Variants in MAP2K5 observed in about 807,000 individuals in gnomAD.
The protein encoded by MAP2K5 is dual specificity mitogen-activated protein kinase kinase 5.
A neutral mutation model predicts 83.1 loss-of-function variants in MAP2K5; 49 were observed. The ratio of observed to expected loss-of-function variants is 0.59; its 90% confidence interval spans 0.47 to 0.75. The LOEUF (loss-of-function observed/expected upper bound fraction) is 0.75. Among genes scored for constraint, MAP2K5 ranks in the 30% least tolerant of loss-of-function variants. The probability of loss-of-function intolerance (pLI) is 0.00; values close to 1 mark genes in which losing one functional copy is unlikely to be tolerated. For missense variants in MAP2K5, 457 were observed against 557.5 expected, an observed-to-expected ratio of 0.82 and a Z score of 1.82; for synonymous variants, 202 against 191.8, an observed-to-expected ratio of 1.05 and a Z score of -0.44.
chr15:67,751,564 C>T (rs1045156957), intron 19 of MAP2K5, among the ~76,000 whole-genome samples: 2 of 152,084 alleles, frequency 1.3e-5, no homozygotes, highest in East Asian at 3.8e-4. Flanking sequence ...TAAGTCGGCC[C>T]CTATTGTCTA....
intron 8 of MAP2K5, among the ~76,000 whole-genome samples, chr15:67,612,201 C>T (rs1034013306): frequency 6.6e-6 from 1 of 151,750 alleles, no homozygotes; most frequent in Non-Finnish European, 1.5e-5. Context: ...CCTCCTCTCA[C>T]ATAGACCTCT....
chr15:67,803,515 G>C (rs903854868), intron 21 of MAP2K5, among the ~76,000 whole-genome samples: 4 of 152,212 alleles, frequency 2.6e-5, no homozygotes, highest in Non-Finnish European at 5.9e-5. Flanking sequence ...GGTCCCAGGG[G>C]AGCCAGGCCA....
In MAP2K5 at chr15:67,549,339, T is replaced by C. The variant is rs1371555202; in HGVS notation, c.136-695T>C. The C allele has an allele frequency of 6.6e-6, 5 of 755,820 alleles. No homozygotes were observed. In the East Asian group the frequency reaches 1.4e-4, roughly 20 times the overall value. The allele number at this position is 755,820 out of a possible 1,614,324, so 46.8% of individuals were successfully genotyped here. ...TTTAGATTTTTGTTGTAGGCTAGAT[T>C]AACTTTATTTCGGTGTCATTAAGTA... On this transcript the variant is annotated intron_variant, in intron 1 of 21. Transcript: ENST00000178640.
chr15:67,606,807 T>A (rs1203153727), intron 8 of MAP2K5, among the ~76,000 whole-genome samples: 1 of 152,226 alleles, frequency 6.6e-6, no homozygotes, highest in Non-Finnish European at 1.5e-5. Context: ...ACATAAATTG[T>A]CTAGTTAAAT....
intron 13 of MAP2K5, among the ~76,000 whole-genome samples, chr15:67,672,305 T>C (rs1379409283): frequency 1.3e-5 from 2 of 151,820 alleles, no homozygotes; most frequent in South Asian, 2.1e-4. Flanking sequence ...CCTATTTCTC[T>C]ACATCCTCTC....
chr15:67,705,835 A>T lies in MAP2K5; in HGVS notation c.1044+2427A>T, dbSNP rs553669816. 7.2e-5 allele frequency among the ~76,000 whole-genome samples: 11 copies of T among 152,324 alleles called. No homozygotes were observed. In the South Asian group the frequency reaches 2.3e-3, roughly 32 times the overall value. On this transcript the variant is annotated intron_variant, in intron 16 of 21. Coordinates refer to ENST00000178640, the MANE Select transcript of MAP2K5 (RefSeq NM_145160.3). ...CTGTGAGAGAAGGAAGCCACCTGAT[A>T]ACAAGCTCAAAGGCACCAAGATAGA...
intron 6 of MAP2K5, 79 bp downstream of exon 6, chr15:67,586,992 G>T: frequency 7.0e-7 from 1 of 1,426,674 alleles, no homozygotes. Flanking sequence ...AAGCTAGAAA[G>T]AAATTTGACC....
At chr15:67,697,212 T>C (rs1377140740) in intron 15 of MAP2K5, among the ~76,000 whole-genome samples, 1 of 152,174 alleles carries the variant, frequency 6.6e-6, no homozygotes, top group Non-Finnish European at 1.5e-5. Flanking sequence ...TTCCCTCACT[T>C]TATATTCATG....
At chr15:67,618,950 T>C (rs2086116237) in intron 8 of MAP2K5, among the ~76,000 whole-genome samples, 1 of 152,192 alleles carries the variant, frequency 6.6e-6, no homozygotes, top group African/African-American at 2.4e-5. Flanking sequence ...CCCCCTCTGC[T>C]CATGACCTCT....
At chr15:67,621,935 G>A (rs1487036432) in intron 8 of MAP2K5, among the ~76,000 whole-genome samples, 10 of 152,166 alleles carry the variant, frequency 6.6e-5, no homozygotes, top group Non-Finnish European at 1.2e-4. Context: ...TGTAATCCCA[G>A]CATTTTGGGA....
chr15:67,555,059 G>T lies in MAP2K5; in HGVS notation c.184+4977G>T, dbSNP rs529536790. Among the ~76,000 whole-genome samples the T allele has an allele frequency of 1.3e-5, 2 of 152,152 alleles. No homozygotes were observed. The highest frequency in any genetic ancestry group is 4.8e-5 in the African/African-American group (2 of 41,440). ...CCAAGGGGAGTTAGGGCTGGATGAG[G>T]AGAGGGACATCTGTCTGCAGAACTC... On this transcript the variant is annotated intron_variant, in intron 2 of 21. Coordinates refer to ENST00000178640, the MANE Select transcript of MAP2K5 (RefSeq NM_145160.3). The surrounding 1 kb of genome is among the most constrained non-coding windows in gnomAD (Gnocchi z 5.2).
chr15:67,592,869 C>T, intron 6 of MAP2K5, 57 bp from the exon 7 acceptor site: 1 of 1,158,270 alleles, frequency 8.6e-7, no homozygotes, highest in Non-Finnish European at 1.3e-6. Context: ...CTGGAATTTT[C>T]AGTGGTGTTC....
chr15:67,772,639 G>A (rs2090164215), intron 20 of MAP2K5, 68 bp from the exon 21 acceptor site: 1 of 1,037,554 alleles, frequency 9.6e-7, no homozygotes, highest in Non-Finnish European at 1.4e-6. Flanking sequence ...ATAGCCATTG[G>A]TAGAAATTAT....
chr15:67,697,061 AAGAG>A (rs1456162557), intron 15 of MAP2K5, among the ~76,000 whole-genome samples: 1 of 152,232 alleles, frequency 6.6e-6, no homozygotes, highest in Non-Finnish European at 1.5e-5. Context: ...ATGCTTGCAT[AAGAG>A]AAAGATCACT....
rs2086689166 is a variant in MAP2K5, at chr15:67,640,528, G to C, written c.586-5703G>C. ...GCCTGATGTCACAGAGGATTGTGAA[G>C]AGCAGCAAATCACAGTCCTTGTCCA... is the stretch of plus-strand genomic sequence containing the variant. On this transcript the variant is annotated intron_variant, in intron 9 of 21. Coordinates refer to ENST00000178640, the MANE Select transcript of MAP2K5 (RefSeq NM_145160.3). The surrounding 1 kb of genome is among the most constrained non-coding windows in gnomAD (Gnocchi z 4.6). The C allele has an allele frequency of 2.1e-6, 2 of 959,904 alleles. No individual in the cohort carries two copies. The highest frequency in any genetic ancestry group is 2.5e-6 in the Non-Finnish European group (2 of 806,796). The allele number at this position is 959,904 out of a possible 1,614,324, so 59.5% of individuals were successfully genotyped here. A position where few individuals can be genotyped will look rare whatever the true frequency, so the allele number is the denominator to read the frequency against.
chr15:67,791,146 T>C (rs1223150352), intron 21 of MAP2K5, among the ~76,000 whole-genome samples: 1 of 152,212 alleles, frequency 6.6e-6, no homozygotes, highest in Non-Finnish European at 1.5e-5. Context: ...TCTTAAGTTA[T>C]TCATACTTTC....
At chr15:67,546,130 C>G (rs1178726089) in intron 1 of MAP2K5, 1 of 152,226 alleles carries the variant, frequency 6.6e-6, no homozygotes, top group African/African-American at 2.4e-5. Context: ...TCCATTTTAG[C>G]AAATGTTCAA....
chr15:67,800,312 GT>G (rs369267206), intron 21 of MAP2K5, among the ~76,000 whole-genome samples: 24 of 151,198 alleles, frequency 1.6e-4, no homozygotes, highest in African/African-American at 3.9e-4. Flanking sequence ...TAGAAGTGGG[GT>G]TTTTTTTTAG....
intron 3 of MAP2K5, among the ~76,000 whole-genome samples, chr15:67,571,404 C>G (rs780477941): frequency 3.3e-5 from 5 of 152,104 alleles, no homozygotes; most frequent in Non-Finnish European, 7.4e-5. Flanking sequence ...ATTTATAGTA[C>G]TGTAGTAATT....
Sources: allele counts gnomAD v4.1 joint callset (sites outside exome capture counted in the v4.1 genomes callset), GRCh38; gene constraint gnomAD v4.1.1; non-coding constraint Gnocchi (gnomAD v3.1); transcripts MANE v1.5; gene names NCBI Gene and HGNC (gene_info 2026-07-23, HGNC 2026-07-21).